ZNF441: variants seen among roughly 807,000 people sequenced by gnomAD.
The protein encoded by ZNF441 is zinc finger protein 441.
ZNF441 carries 25 observed loss-of-function variants against 64.5 expected under a neutral mutation model. That is an observed-to-expected ratio of 0.39 (90% CI 0.28 to 0.54). The LOEUF (loss-of-function observed/expected upper bound fraction) is 0.54, where lower values mean the gene tolerates loss of function less well. Among genes scored for constraint, ZNF441 ranks in the 20% least tolerant of loss-of-function variants. ZNF441 has a pLI of 0.70. For missense variants in ZNF441, 715 were observed against 843.3 expected (o/e 0.85, Z 1.88); for synonymous variants, 262 against 268.0 (o/e 0.98, Z 0.22).
chr19:11,781,494 A>G lies in ZNF441; in HGVS notation c.1670A>G (p.Lys557Arg). 2 of 1,614,164 alleles carry G rather than the reference A, an allele frequency of 1.2e-6. No individual in the cohort carries two copies. The highest frequency in any genetic ancestry group is 1.7e-6 in the Non-Finnish European group (2 of 1,180,022). The change falls in exon 4 of 4, where the codon AAA becomes AGA. Residue 557 changes from lysine to arginine, a missense_variant. Lys to Arg is a conservative substitution (Grantham distance 26). Transcript: ENST00000357901. ...CATGAAAGGACTCACACTGGAGAGAAACCCTATGGTTGTCAGCAATGTGGG... is the reference window on the plus strand; with the variant it reads ...CATGAAAGGACTCACACTGGAGAGAGACCCTATGGTTGTCAGCAATGTGGG... ...QLHERTHTGE[K>R]PYGCQQCGKA...
chr19:11,771,892 C>A (rs1289074776), intron 1 of ZNF441, among the ~76,000 whole-genome samples: 5 of 152,234 alleles, frequency 3.3e-5, no homozygotes, highest in Admixed American at 3.3e-4. Flanking sequence ...GGCCTGACAT[C>A]AGTCAGGTTT....
chr19:11,780,753 G>T lies in ZNF441; in HGVS notation c.929G>T (p.Cys310Phe). The stretch of plus-strand genomic sequence containing the variant: ...CACACTGGAGATGGGCCTCATAAAT[G>T]TAAGATATGTGGAAAAGGCTTTCTT... ...IVHTGDGPHK[C>F]KICGKGFLSP... The change falls in exon 4 of 4, where the codon TGT (cysteine) becomes TTT (phenylalanine). Residue 310 changes from cysteine to phenylalanine, a missense_variant. Transcript: ENST00000357901. The T allele has an allele frequency of 6.2e-7, 1 of 1,614,160 alleles. No individual in the cohort carries two copies. The highest frequency in any genetic ancestry group is 8.5e-7 in the Non-Finnish European group (1 of 1,180,020).
At chr19:11,778,425 C>T (rs1975371082) in intron 3 of ZNF441, 32 bp downstream of exon 3, 2 of 1,462,394 alleles carry the variant, frequency 1.4e-6, no homozygotes, top group Non-Finnish European at 1.8e-6. Flanking sequence ...AAGCTGTGTC[C>T]TTGAAGTGAT....
Position 11,780,765 on chromosome 19 carries a change from GA to G in ZNF441, c.945del (p.Gly316AlafsTer40). The G allele has an allele frequency of 1.2e-6, 2 of 1,614,168 alleles. No individual in the cohort carries two copies. The highest frequency in any genetic ancestry group is 1.7e-6 in the Non-Finnish European group (2 of 1,180,016). ...GGGCCTCATAAATGTAAGATATGTG[GA>G]AAAGGCTTTCTTTCTCCCAGTTCAG... ...GDGPHKCKIC[G>X]KGFLSPSSVR... On this transcript the variant is annotated frameshift_variant, in exon 4 of 4. Coordinates refer to ENST00000357901, the MANE Select transcript of ZNF441 (RefSeq NM_152355.3). LOFTEE classifies it high-confidence loss of function.
At chr19:11,779,785 C>T (rs1203827046) in intron 3 of ZNF441, among the ~76,000 whole-genome samples, 1 of 149,162 alleles carries the variant, frequency 6.7e-6, no homozygotes, top group Non-Finnish European at 1.5e-5. Context: ...GTGGCTTATG[C>T]CTGTAGACCC....
intron 3 of ZNF441, among the ~76,000 whole-genome samples, chr19:11,778,956 C>T (rs1423058203): frequency 1.3e-5 from 2 of 152,112 alleles, no homozygotes; most frequent in African/African-American, 4.8e-5. Flanking sequence ...GGTTGAGTTA[C>T]CTTGTACATC....
At chr19:11,779,765 G>C (rs1975383018) in intron 3 of ZNF441, among the ~76,000 whole-genome samples, 1 of 147,814 alleles carries the variant, frequency 6.8e-6, no homozygotes, top group Non-Finnish European at 1.5e-5. Flanking sequence ...AAAAAAATCA[G>C]CCATGTGTGG....
At chr19:11,775,747 C>G (rs569463600) in intron 1 of ZNF441, among the ~76,000 whole-genome samples, 2 of 151,230 alleles carry the variant, frequency 1.3e-5, no homozygotes, top group Admixed American at 1.3e-4. Flanking sequence ...TGTCCCTAAG[C>G]CTCTCGAGTA....
At position 11,767,356 on chromosome 19, in the gene ZNF441, C is replaced by G. The variant is rs988340282; in HGVS notation, c.3+160C>G. Among the ~76,000 whole-genome samples, 1 of 152,160 alleles carries G rather than the reference C, an allele frequency of 6.6e-6. No individual in the cohort carries two copies. ...CGCACGATGGGGCTGGGGCGGCAGCCGGGACCCCGGGCGTCCTGTCCCGTC... is the reference window on the plus strand; with the variant it reads ...CGCACGATGGGGCTGGGGCGGCAGCGGGGACCCCGGGCGTCCTGTCCCGTC... On this transcript the variant is annotated intron_variant, in intron 1 of 3. Transcript: ENST00000357901. This position sits in a 1 kb window ranked among gnomAD's most constrained non-coding sequence, Gnocchi z 5.1.
At position 11,777,597 on chromosome 19, in the gene ZNF441, G is replaced by T. The variant is rs143994188; in HGVS notation, c.4-14G>T. On this transcript the variant is annotated splice_polypyrimidine_tract_variant and intron_variant, in intron 1 of 3. Coordinates refer to ENST00000357901, the MANE Select transcript of ZNF441 (RefSeq NM_152355.3). ...GTTTTAATATTCCTCCTCTGCACAT[G>T]TGAAATATTTCAGGACTCAGTGGCA... 2,783 of 1,608,336 alleles carry T rather than the reference G, an allele frequency of 1.7e-3. 3 individuals are homozygous for T. The highest frequency in any genetic ancestry group is 2.2e-3 in the Non-Finnish European group (2,586 of 1,177,328).
At chr19:11,771,425 G>A (rs8113205) in intron 1 of ZNF441, among the ~76,000 whole-genome samples, 23,084 of 152,040 alleles carry the variant, frequency 0.15, 3,757 homozygotes, top group African/African-American at 0.39. Context: ...CCACCCAGGC[G>A]CCGAGGCAAG....
Position 11,777,628 on chromosome 19 carries a change from G to C in ZNF441, c.21G>C (p.Glu7Asp), listed in dbSNP as rs766303543. The C allele has an allele frequency of 6.2e-7, 1 of 1,613,230 alleles. No individual in the cohort carries two copies. Among genetic ancestry groups the C allele is most frequent in the Non-Finnish European group, 8.5e-7 (1 of 1,179,480 alleles). The part of the protein sequence containing the change: MDSVAF[E>D]DVAINFTCEE... ...TATTTCAGGACTCAGTGGCATTTGA[G>C]GATGTGGCTATAAACTTCACCTGTG... The change falls in exon 2 of 4, where the codon GAG becomes GAC. Residue 7 changes from glutamate (E) to aspartate (D), a missense_variant. Glu to Asp is a conservative substitution (Grantham distance 45). Around this residue, in one of 2 missense-constraint regions of ZNF441, gnomAD observed 399 missense variants for 413.9 expected, o/e 0.96. Transcript: ENST00000357901.
intron 1 of ZNF441, among the ~76,000 whole-genome samples, chr19:11,775,659 G>A (rs1174244404): frequency 1.8e-5 from 2 of 109,766 alleles, no homozygotes; most frequent in Non-Finnish European, 3.5e-5. Context: ...ACGGAATCTT[G>A]CTTTATCGCC....
chr19:11,778,291 A>G (rs1425155015), intron 2 of ZNF441, 39 bp from the exon 3 acceptor site: 1 of 1,314,302 alleles, frequency 7.6e-7, no homozygotes, highest in Non-Finnish European at 1.1e-6. Context: ...CTATAATTTT[A>G]TAATAATTTA....
intron 1 of ZNF441, among the ~76,000 whole-genome samples, chr19:11,775,264 G>T (rs1975344829): frequency 6.6e-6 from 1 of 152,192 alleles, no homozygotes; most frequent in African/African-American, 2.4e-5. Flanking sequence ...GTGAAAATGT[G>T]TTTTTTCCAG....
At position 11,777,710 on chromosome 19, in the gene ZNF441, G is replaced by C; in HGVS notation, c.103G>C (p.Glu35Gln). ...GAGTCTCTACAGAGATGTGATGCAG[G>C]AAACCATCAGAAACCTGGACTGTAT... is the stretch of plus-strand genomic sequence containing the variant. The part of the protein sequence containing the change: ...QKSLYRDVMQ[E>Q]TIRNLDCIGM... The change falls in exon 2 of 4, where the codon GAA becomes CAA. Residue 35 changes from glutamate (E) to glutamine (Q), a missense_variant. Physicochemically the swap from Glu to Gln is conservative, Grantham distance 29. Transcript: ENST00000357901. 6.2e-7 allele frequency: 1 copy of C among 1,612,640 alleles called. No individual in the cohort carries two copies. The highest frequency in any genetic ancestry group is 8.5e-7 in the Non-Finnish European group (1 of 1,179,382).
At position 11,777,629 on chromosome 19, in the gene ZNF441, G is replaced by A. The variant is rs1599270294; in HGVS notation, c.22G>A (p.Asp8Asn). 1 of 1,613,252 alleles carries A rather than the reference G, an allele frequency of 6.2e-7. No homozygotes were observed. The highest frequency in any genetic ancestry group is 1.7e-5 in the Admixed American group (1 of 59,918). MDSVAFE[D>N]VAINFTCEEW... Reference sequence around the variant, plus strand: ...ATTTCAGGACTCAGTGGCATTTGAGGATGTGGCTATAAACTTCACCTGTGA... The same window carrying A: ...ATTTCAGGACTCAGTGGCATTTGAGAATGTGGCTATAAACTTCACCTGTGA... Residue 8 changes from aspartate (D) to asparagine (N), a missense_variant, in exon 2 of 4, where the codon GAT (aspartate) becomes AAT (asparagine). Around this residue, in one of 2 missense-constraint regions of ZNF441, gnomAD observed 399 missense variants for 413.9 expected, o/e 0.96. Coordinates refer to ENST00000357901, the MANE Select transcript of ZNF441 (RefSeq NM_152355.3).
rs992573886 is a variant in ZNF441 at position 11,783,643 on chromosome 19, T to C, written c.*1737T>C. 7 of 152,286 alleles carry C rather than the reference T, an allele frequency of 4.6e-5. No individual in the cohort carries two copies. Among genetic ancestry groups the C allele is most frequent in the East Asian group, 1.9e-4 (1 of 5,194 alleles). The allele number at this position is 152,286 out of a possible 1,614,324, so 9.4% of individuals were successfully genotyped here. On this transcript the variant is annotated 3_prime_UTR_variant, in exon 4 of 4. Coordinates refer to ENST00000357901, the MANE Select transcript of ZNF441 (RefSeq NM_152355.3). ...CAACATGGATGGAACTTGAGGTCAT[T>C]ATGGTAAGTGAAATAAGCCAGGCAC...
Position 11,782,076 on chromosome 19 carries a change from A to AAT in ZNF441, c.*180_*181dup. 2 of 507,178 alleles carry AAT rather than the reference A, an allele frequency of 3.9e-6. No homozygotes were observed. Among genetic ancestry groups the AAT allele is most frequent in the Non-Finnish European group, 3.4e-6 (1 of 297,226 alleles). 31.4% of individuals were successfully genotyped at this position (507,178 alleles called of 1,614,324 possible). A position where few individuals can be genotyped will look rare whatever the true frequency, so the allele number is the denominator to read the frequency against. On this transcript the variant is annotated 3_prime_UTR_variant, in exon 4 of 4. Coordinates refer to ENST00000357901, the MANE Select transcript of ZNF441 (RefSeq NM_152355.3). The stretch of plus-strand genomic sequence containing the variant: ...AACATGACCAAACTCATACTTCAAA[A>AAT]ATATATATATAATGAATGTGAGGAA...
Sources: allele counts gnomAD v4.1 joint callset (sites outside exome capture counted in the v4.1 genomes callset), GRCh38; gene constraint gnomAD v4.1.1; regional missense constraint gnomAD v4.1.1; non-coding constraint Gnocchi (gnomAD v3.1); transcripts MANE v1.5; gene names NCBI Gene and HGNC (gene_info 2026-07-23, HGNC 2026-07-21).